Variants in ABHD2 observed in about 807,000 individuals in gnomAD.
The protein encoded by ABHD2 is monoacylglycerol lipase ABHD2.
Under a neutral mutation model 48.1 loss-of-function variants are expected in ABHD2, and 20 were observed. The observed-to-expected ratio is 0.42, with a 90% CI of 0.29 to 0.60. The LOEUF (loss-of-function observed/expected upper bound fraction) is 0.60. ABHD2 is among the 20% of genes least tolerant of loss of function. The pLI, the probability that ABHD2 is intolerant of heterozygous loss-of-function variation, is 0.24. For synonymous variants in ABHD2, 209 were observed against 214.2 expected, an observed-to-expected ratio of 0.98 and a Z score of 0.21; for missense variants, 405 against 550.9, an observed-to-expected ratio of 0.74 and a Z score of 2.65.
At chr15:89,090,943 G>T (rs937418258) in intron 1 of ABHD2, among the ~76,000 whole-genome samples, 1 of 152,210 alleles carries the variant, frequency 6.6e-6, no homozygotes, top group Non-Finnish European at 1.5e-5. Context: ...CACCAGCAGC[G>T]CCTGCCTGGC....
intron 3 of ABHD2, among the ~76,000 whole-genome samples, chr15:89,127,739 A>ATATATATATATG: frequency 7.2e-6 from 1 of 139,228 alleles, no homozygotes; most frequent in African/African-American, 2.7e-5. Context: ...ATATATATAT[A>ATATATATATATG]TGTATATTTT....
At chr15:89,180,309 G>C (rs2051087463) in intron 6 of ABHD2, among the ~76,000 whole-genome samples, 1 of 151,934 alleles carries the variant, frequency 6.6e-6, no homozygotes, top group Non-Finnish European at 1.5e-5. Flanking sequence ...AGTATAATGA[G>C]AGACTCTAAC....
chr15:89,187,482 G>A lies in ABHD2; in HGVS notation c.816-711G>A, dbSNP rs1160578036. Among the ~76,000 whole-genome samples, 6 of 152,148 alleles carry A rather than the reference G, an allele frequency of 3.9e-5. No homozygotes were observed. The East Asian group carries it at 9.6e-4, about 24-fold the overall frequency. ...GTTGGCATAATAAATCCTTCCTACC[G>A]CAGGGCCATGCCTCAACAAATTCAG... is the stretch of plus-strand genomic sequence containing the variant. On this transcript the variant is annotated intron_variant, in intron 7 of 10. Transcript: ENST00000352732.
At chr15:89,159,775 A>T (rs939520354) in intron 5 of ABHD2, among the ~76,000 whole-genome samples, 2 of 152,102 alleles carry the variant, frequency 1.3e-5, no homozygotes, top group African/African-American at 4.8e-5. Flanking sequence ...CAATTTGTGG[A>T]TGGTGTTGTT....
chr15:89,147,677 GCAAAACACAAAGGTTTTAA>G (rs902346361), intron 3 of ABHD2, among the ~76,000 whole-genome samples: 1 of 151,718 alleles, frequency 6.6e-6, no homozygotes, highest in African/African-American at 2.4e-5. Flanking sequence ...AAAACAAAAT[GCAAAACACAAAGGTTTTAA>G]CAAAACACAA....
chr15:89,152,232 C>T (rs1421340329), intron 4 of ABHD2, among the ~76,000 whole-genome samples: 1 of 152,060 alleles, frequency 6.6e-6, no homozygotes, highest in East Asian at 1.9e-4. Context: ...CCAGCCACCA[C>T]GCTCGGCTAA....
At position 89,168,446 on chromosome 15, in the gene ABHD2, C is replaced by G. The variant is rs541083261; in HGVS notation, c.539-7366C>G. On this transcript the variant is annotated intron_variant, in intron 5 of 10. Coordinates refer to ENST00000352732, the MANE Select transcript of ABHD2 (RefSeq NM_152924.5). This position sits in a 1 kb window ranked among gnomAD's most constrained non-coding sequence, Gnocchi z 4.8. ...CCCAGGCACTAAAGGTGTTTGGTAA[C>G]TGACATCAGGGGAGGTCCCAGGAGG... 1.8e-4 allele frequency among the ~76,000 whole-genome samples: 27 copies of G among 152,310 alleles called. No homozygotes were observed. The highest frequency in any genetic ancestry group is 6.0e-4 in the African/African-American group (25 of 41,572).
At chr15:89,165,752 G>A (rs1367288334) in intron 5 of ABHD2, among the ~76,000 whole-genome samples, 1 of 152,110 alleles carries the variant, frequency 6.6e-6, no homozygotes, top group Non-Finnish European at 1.5e-5. Context: ...ATCTTTAATC[G>A]AGGCACTGCA....
At chr15:89,172,910 C>T (rs943574776) in intron 5 of ABHD2, among the ~76,000 whole-genome samples, 1 of 152,162 alleles carries the variant, frequency 6.6e-6, no homozygotes, top group African/African-American at 2.4e-5. Context: ...CAGAAAGGAG[C>T]CTGGAAGCTG....
chr15:89,112,724 C>T (rs1405861889), intron 1 of ABHD2, among the ~76,000 whole-genome samples: 1 of 152,218 alleles, frequency 6.6e-6, no homozygotes, highest in Non-Finnish European at 1.5e-5. Context: ...TGTGTGTCTC[C>T]TGCACCATCC....
intron 3 of ABHD2, among the ~76,000 whole-genome samples, chr15:89,121,553 C>G (rs1406514668): frequency 1.3e-5 from 2 of 151,740 alleles, no homozygotes; most frequent in South Asian, 2.1e-4. Flanking sequence ...TGTATGTATT[C>G]AGCTGTGTAA....
At chr15:89,148,836 C>G (rs2050541906) in intron 3 of ABHD2, among the ~76,000 whole-genome samples, 1 of 152,190 alleles carries the variant, frequency 6.6e-6, no homozygotes, top group African/African-American at 2.4e-5. Context: ...CCTTCGTGTA[C>G]CATTTTAGCA....
At chr15:89,127,365 GT>G (rs2150836100) in intron 3 of ABHD2, among the ~76,000 whole-genome samples, 1 of 152,234 alleles carries the variant, frequency 6.6e-6, no homozygotes, top group Admixed American at 6.5e-5. Flanking sequence ...GAGATCAGTG[GT>G]TGATCCAGAA....
At chr15:89,093,173 C>CTTTT (rs71149272) in intron 1 of ABHD2, among the ~76,000 whole-genome samples, 272 of 71,744 alleles carry the variant, frequency 3.8e-3, no homozygotes, top group Middle Eastern at 0.01. Context: ...TTTTTTCATT[C>CTTTT]TTTTTTTTTT....
chr15:89,079,719 T>C, the ABHD2 span, among the ~76,000 whole-genome samples: 1 of 152,242 alleles, frequency 6.6e-6, no homozygotes, highest in Non-Finnish European at 1.5e-5. This position sits in a 1 kb window ranked among gnomAD's most constrained non-coding sequence, Gnocchi z 4.3. Context: ...CAAGAAAATG[T>C]ACTAAGTCTC....
rs182041553 is a variant in ABHD2 at position 89,097,295 on chromosome 15, A to C, written c.-107+8732A>C. Among the ~76,000 whole-genome samples, 63 of 152,348 alleles carry C rather than the reference A, an allele frequency of 4.1e-4. No individual in the cohort carries two copies. Among genetic ancestry groups the C allele is most frequent in the Admixed American group, 4.1e-3 (63 of 15,304 alleles). On this transcript the variant is annotated intron_variant, in intron 1 of 10. Coordinates refer to ENST00000352732, the MANE Select transcript of ABHD2 (RefSeq NM_152924.5). This position sits in a 1 kb window ranked among gnomAD's most constrained non-coding sequence, Gnocchi z 4.2. The stretch of plus-strand genomic sequence containing the variant: ...TTGAAATAGATCCCAAACATCATAT[A>C]GTTGCATCTGTAAATATTTCCATGA...
At chr15:89,044,867 T>C in the ABHD2 span, among the ~76,000 whole-genome samples, 1 of 151,996 alleles carries the variant, frequency 6.6e-6, no homozygotes, top group African/African-American at 2.4e-5. Flanking sequence ...CTGTTCACTC[T>C]GATGGTAGTT....
At chr15:89,066,201 A>G in the ABHD2 span, among the ~76,000 whole-genome samples, 1 of 152,134 alleles carries the variant, frequency 6.6e-6, no homozygotes, top group Non-Finnish European at 1.5e-5. Flanking sequence ...AACAACGGAA[A>G]TTTGTTCTCT....
At position 89,100,660 on chromosome 15, in the gene ABHD2, G is replaced by T. The variant is rs1172288407; in HGVS notation, c.-107+12097G>T. On this transcript the variant is annotated intron_variant, in intron 1 of 10. Coordinates refer to ENST00000352732, the MANE Select transcript of ABHD2 (RefSeq NM_152924.5). This position sits in a 1 kb window ranked among gnomAD's most constrained non-coding sequence, Gnocchi z 4.4. ...TGAGGTGGGTGGATCACGAGGTCAGGAGTTCGAGACCAGCCTGGCCAACAT... is the reference window on the plus strand; with the variant it reads ...TGAGGTGGGTGGATCACGAGGTCAGTAGTTCGAGACCAGCCTGGCCAACAT... Among the ~76,000 whole-genome samples, 1 of 152,164 alleles carries T rather than the reference G, an allele frequency of 6.6e-6. No individual in the cohort carries two copies. Among genetic ancestry groups the T allele is most frequent in the Non-Finnish European group, 1.5e-5 (1 of 68,032 alleles).
Sources: gnomAD v4.1 joint callset for allele counts (sites outside exome capture counted in the v4.1 genomes callset) on GRCh38, gnomAD v4.1.1 for gene constraint, Gnocchi (gnomAD v3.1) non-coding constraint, MANE v1.5 for transcripts, NCBI Gene and HGNC (gene_info 2026-07-23, HGNC 2026-07-21) for gene names.